DYTN: variants seen among roughly 807,000 people sequenced by gnomAD.
The protein encoded by DYTN is dystrotelin.
In DYTN, 75 loss-of-function variants were observed where a neutral mutation model predicts 69.6. The ratio of observed to expected loss-of-function variants is 1.08; its 90% confidence interval spans 0.89 to 1.31. DYTN has a LOEUF of 1.31. Ranked by LOEUF, DYTN falls within the 50% of genes most tolerant of loss-of-function variation. The probability of loss-of-function intolerance (pLI) is 0.00; values close to 1 mark genes in which losing one functional copy is unlikely to be tolerated. For synonymous variants in DYTN, 252 were observed against 249.1 expected (o/e 1.01, Z -0.11); for missense variants, 726 against 688.4 (o/e 1.05, Z -0.61).
chr2:206,672,845 T>C (rs1489780536), intron 9 of DYTN, among the ~76,000 whole-genome samples: 12 of 152,248 alleles, frequency 7.9e-5, no homozygotes. Context: ...TAAAAAAACA[T>C]AGCATTTCTA....
chr2:206,694,728 G>T lies in DYTN; in HGVS notation c.831+38C>A, dbSNP rs1283895365. 3.3e-6 allele frequency: 5 copies of T among 1,521,520 alleles called. No individual in the cohort carries two copies. In the South Asian group the frequency reaches 3.7e-5, roughly 11 times the overall value. The allele number at this position is 1,521,520 out of a possible 1,614,324, so 94.3% of individuals were successfully genotyped here. ...TCATGGCTATAGCTTATACTGAATT[G>T]ATTAATGAATAGTTTGGTATGTGAC... On this transcript the variant is annotated intron_variant, in intron 8 of 11. Coordinates refer to ENST00000452335, the MANE Select transcript of DYTN (RefSeq NM_001093730.1).
intron 9 of DYTN, among the ~76,000 whole-genome samples, chr2:206,687,524 A>G (rs1699824215): frequency 6.6e-6 from 1 of 152,204 alleles, no homozygotes; most frequent in Non-Finnish European, 1.5e-5. Context: ...ATCATTTACC[A>G]TAACAAAATG....
At chr2:206,703,290 A>T (rs1699993748) in intron 5 of DYTN, among the ~76,000 whole-genome samples, 1 of 152,132 alleles carries the variant, frequency 6.6e-6, no homozygotes, top group South Asian at 2.1e-4. Context: ...CTCCAGTCTC[A>T]CCAGTCTGAT....
At chr2:206,695,407 G>A (rs1351905336) in intron 7 of DYTN, among the ~76,000 whole-genome samples, 6 of 152,148 alleles carry the variant, frequency 3.9e-5, no homozygotes, top group Non-Finnish European at 7.4e-5. Flanking sequence ...ATAAGCACTC[G>A]TCATTTTATA....
At chr2:206,698,421 G>T (rs936364098) in intron 7 of DYTN, among the ~76,000 whole-genome samples, 1 of 152,146 alleles carries the variant, frequency 6.6e-6, no homozygotes, top group Non-Finnish European at 1.5e-5. Flanking sequence ...GGAAGCATGG[G>T]AAGGGAAGGG....
At chr2:206,683,153 A>T (rs191248295) in intron 9 of DYTN, among the ~76,000 whole-genome samples, 1 of 152,254 alleles carries the variant, frequency 6.6e-6, no homozygotes, top group Admixed American at 6.5e-5. Context: ...AAATGTTTAT[A>T]TAACCTTGCT....
intron 8 of DYTN, among the ~76,000 whole-genome samples, chr2:206,694,117 G>A (rs1238453070): frequency 6.6e-6 from 1 of 152,154 alleles, no homozygotes; most frequent in Non-Finnish European, 1.5e-5. Flanking sequence ...TTACTCACTG[G>A]AATTTAGTAA....
chr2:206,652,250 C>T (rs1267810736), intron 11 of DYTN, among the ~76,000 whole-genome samples: 2 of 152,104 alleles, frequency 1.3e-5, no homozygotes, highest in Non-Finnish European at 2.9e-5. Context: ...ATTTCTGGAC[C>T]ACACCTACAG....
chr2:206,675,881 T>C (rs1415055906), intron 9 of DYTN, among the ~76,000 whole-genome samples: 2 of 152,286 alleles, frequency 1.3e-5, no homozygotes, highest in East Asian at 1.9e-4. Context: ...CACAATGAGA[T>C]ACCATCTCAA....
chr2:206,663,397 T>C lies in DYTN; in HGVS notation c.1141-2A>G, dbSNP rs1699535709. ...AGGACCGGGTGGCTGCAACCTTGCC[T>C]GGGGAAACAAAACTTTATTTATGAA... is the stretch of plus-strand genomic sequence containing the variant. On this transcript the variant is annotated splice_acceptor_variant, in intron 10 of 11. Transcript: ENST00000452335. LOFTEE classifies it high-confidence loss of function. 1.9e-6 allele frequency: 3 copies of C among 1,567,096 alleles called. No homozygotes were observed. Among genetic ancestry groups the C allele is most frequent in the Middle Eastern group, 1.7e-4 (1 of 5,826 alleles).
intron 11 of DYTN, 25 bp from the exon 12 acceptor site, chr2:206,651,946 A>G: frequency 6.3e-7 from 1 of 1,595,150 alleles, no homozygotes; most frequent in Non-Finnish European, 8.6e-7. Flanking sequence ...CAAGAGAGTC[A>G]TTTAGAGAAA....
At chr2:206,670,718 A>C (rs1213308640) in intron 9 of DYTN, among the ~76,000 whole-genome samples, 1 of 152,238 alleles carries the variant, frequency 6.6e-6, no homozygotes, top group African/African-American at 2.4e-5. Flanking sequence ...ATGATGACGC[A>C]GATGTTTACA....
At position 206,651,653 on chromosome 2, in the gene DYTN, G is replaced by A; in HGVS notation, c.*165C>T. 1.7e-6 allele frequency: 1 copy of A among 603,464 alleles called. No individual in the cohort carries two copies. Among genetic ancestry groups the A allele is most frequent in the Non-Finnish European group, 2.9e-6 (1 of 340,844 alleles). 37.4% of individuals were successfully genotyped at this position (603,464 alleles called of 1,614,324 possible). ...CCCCCAACCTTCACTCTGAACTGCA[G>A]AACTAAGATACATAAGTAGGGAGGG... On this transcript the variant is annotated 3_prime_UTR_variant, in exon 12 of 12. Coordinates refer to ENST00000452335, the MANE Select transcript of DYTN (RefSeq NM_001093730.1).
At chr2:206,682,516 T>C (rs1418414012) in intron 9 of DYTN, among the ~76,000 whole-genome samples, 1 of 152,102 alleles carries the variant, frequency 6.6e-6, no homozygotes, top group Non-Finnish European at 1.5e-5. Context: ...CTTTCTGGTT[T>C]TTCTTCTTTT....
In DYTN at chr2:206,663,056, T is replaced by C. The variant is rs781388861; in HGVS notation, c.1480A>G (p.Met494Val). 1.9e-6 allele frequency: 3 copies of C among 1,613,850 alleles called. No individual in the cohort carries two copies. The highest frequency in any genetic ancestry group is 4.5e-5 in the East Asian group (2 of 44,884). ...GGACTGCTCATTTCAGCAGGAACCA[T>C]TTTGGGGATGTCCTGCTTCAGTCCC... is the stretch of plus-strand genomic sequence containing the variant. ...QEGLKQDIPK[M>V]VPAEMSSPAL... The change falls in exon 11 of 12, where the codon ATG becomes GTG. Residue 494 changes from methionine to valine, a missense_variant. By Grantham distance (21) the Met-to-Val change is conservative. Transcript: ENST00000452335.
At chr2:206,680,746 T>C (rs1371232860) in intron 9 of DYTN, among the ~76,000 whole-genome samples, 4 of 152,186 alleles carry the variant, frequency 2.6e-5, no homozygotes, top group Non-Finnish European at 4.4e-5. Flanking sequence ...CTAAAGTGAA[T>C]CCTTCTACAT....
At chr2:206,687,901 G>A (rs902196946) in intron 9 of DYTN, among the ~76,000 whole-genome samples, 5 of 152,050 alleles carry the variant, frequency 3.3e-5, no homozygotes, top group African/African-American at 1.2e-4. Context: ...GTTAATATCT[G>A]TTGTATTAAC....
chr2:206,695,751 C>A (rs1699913164), intron 7 of DYTN, among the ~76,000 whole-genome samples: 1 of 152,198 alleles, frequency 6.6e-6, no homozygotes, highest in Non-Finnish European at 1.5e-5. Flanking sequence ...AAATTCTCTT[C>A]TCTAACTGCA....
intron 1 of DYTN, among the ~76,000 whole-genome samples, chr2:206,711,364 G>A (rs1700076932): frequency 6.6e-6 from 1 of 152,118 alleles, no homozygotes; most frequent in Non-Finnish European, 1.5e-5. Context: ...GTGTAGAGGA[G>A]AGGAGAGAGC....
Sources: gnomAD v4.1 joint callset for allele counts (sites outside exome capture counted in the v4.1 genomes callset) on GRCh38, gnomAD v4.1.1 for gene constraint, MANE v1.5 for transcripts, NCBI Gene and HGNC (gene_info 2026-07-23, HGNC 2026-07-21) for gene names.